CRACR2B: variants seen among roughly 807,000 people sequenced by gnomAD.
CRACR2B encodes calcium release activated channel regulator 2B.
In CRACR2B, 50 loss-of-function variants were observed where a neutral mutation model predicts 46.0. The ratio of observed to expected loss-of-function variants is 1.09; its 90% CI spans 0.87 to 1.38. The LOEUF is 1.38. CRACR2B is among the 40% of genes most tolerant of loss of function. The probability of loss-of-function intolerance (pLI) is 0.00; values close to 1 mark genes in which losing one functional copy is unlikely to be tolerated. For synonymous variants in CRACR2B, 277 were observed against 239.6 expected (o/e 1.16, Z -1.44); for missense variants, 667 against 535.0 (o/e 1.25, Z -2.43).
chr11:830,919 G>T lies in CRACR2B; in HGVS notation c.840G>T (p.Gln280His). Residue 280 changes from glutamine to histidine, a missense_variant, in exon 7 of 9, where the codon CAG (glutamine) becomes CAT (histidine). Gln to His is a conservative substitution (Grantham distance 24, BLOSUM62 0). Coordinates refer to ENST00000525077, the MANE Select transcript of CRACR2B (RefSeq NM_001286606.2). Reference protein sequence around the residue: ...QAAEHLEAQAQNSQLWRAHEA... With the variant: ...QAAEHLEAQAHNSQLWRAHEA... ...CGGAGCACCTGGAGGCACAGGCCCA[G>T]AACTCCCAGCTGTGGCGGGCGCACG... The T allele has an allele frequency of 6.5e-7, 1 of 1,533,038 alleles. No individual in the cohort carries two copies. The highest frequency in any genetic ancestry group is 1.2e-5 in the South Asian group (1 of 83,910). The allele number at this position is 1,533,038 out of a possible 1,614,324, so 95.0% of individuals were successfully genotyped here.
In CRACR2B at chr11:830,029, C is replaced by G; in HGVS notation, c.502C>G (p.Arg168Gly). Reference protein sequence around the residue: ...RTLWARLQRERPELLGSFEDV... With the variant: ...RTLWARLQREGPELLGSFEDV... ...GCTCTGGGCCAGGCTGCAGCGCGAGCGCCCCGAGCTGCTGGGCTCTTTCGA... is the reference window on the plus strand; with the variant it reads ...GCTCTGGGCCAGGCTGCAGCGCGAGGGCCCCGAGCTGCTGGGCTCTTTCGA... Residue 168 changes from arginine to glycine, a missense_variant, in exon 4 of 9, where the codon CGC becomes GGC. Physicochemically the swap from Arg to Gly is moderately radical, Grantham distance 125. Coordinates refer to ENST00000525077, the MANE Select transcript of CRACR2B (RefSeq NM_001286606.2). 4 of 1,569,498 alleles carry G rather than the reference C, an allele frequency of 2.5e-6. No individual in the cohort carries two copies. The highest frequency in any genetic ancestry group is 1.3e-5 in the African/African-American group (1 of 74,244).
intron 4 of CRACR2B, 58 bp from the exon 5 acceptor site, chr11:830,192 G>A (rs1846282871): frequency 1.3e-6 from 2 of 1,492,936 alleles, no homozygotes; most frequent in Non-Finnish European, 1.8e-6. Flanking sequence ...AGCAGAGGCG[G>A]TGCCAGGGGG....
intron 5 of CRACR2B, 59 bp from the exon 6 acceptor site, chr11:830,562 T>A: frequency 6.5e-7 from 1 of 1,548,068 alleles, no homozygotes; most frequent in Non-Finnish European, 8.7e-7. Flanking sequence ...GCCCTCCGTG[T>A]ACCTCTTTTG....
Position 831,523 on chromosome 11 carries a change from C to T in CRACR2B, c.1026-12C>T. On this transcript the variant is annotated splice_polypyrimidine_tract_variant and intron_variant, in intron 8 of 8. Coordinates refer to ENST00000525077, the MANE Select transcript of CRACR2B (RefSeq NM_001286606.2). ...CTCAGACCCTCTCAGTGTCGGACTCCTCCTTCCCTAGGGAGCTGAATACAC... is the reference window on the plus strand; with the variant it reads ...CTCAGACCCTCTCAGTGTCGGACTCTTCCTTCCCTAGGGAGCTGAATACAC... 2 of 1,574,092 alleles carry T rather than the reference C, an allele frequency of 1.3e-6. No individual in the cohort carries two copies. Among genetic ancestry groups the T allele is most frequent in the African/African-American group, 1.4e-5 (1 of 72,892 alleles).
At position 831,548 on chromosome 11, in the gene CRACR2B, C is replaced by T. The variant is rs374170179; in HGVS notation, c.1039C>T (p.Arg347Trp). The change falls in exon 9 of 9, where the codon CGG becomes TGG. Residue 347 changes from arginine to tryptophan, a missense_variant. Physicochemically the swap from Arg to Trp is moderately radical, Grantham distance 101 (BLOSUM62 -3). Transcript: ENST00000525077. ...CTCCTTCCCTAGGGAGCTGAATACA[C>T]GGCTGCGGGATGACAGGGACGCCTG... is the stretch of plus-strand genomic sequence containing the variant. ...QLELLRELNT[R>W]LRDDRDACEA... 148 of 1,597,016 alleles carry T rather than the reference C, an allele frequency of 9.3e-5. 1 individual carries two copies. The highest frequency in any genetic ancestry group is 1.2e-4 in the Non-Finnish European group (142 of 1,173,610).
chr11:828,652 GGAGGGGGAACTC>G lies in CRACR2B; in HGVS notation c.53_64del (p.Glu18_Gly21del). ...CTGGGGCTGATGAGGCCCAGGAGGA[GGAGGGGGAACTC>G]GAGGGGGGCTCTGCAGGGCCGCGGG... is the stretch of plus-strand genomic sequence containing the variant. On this transcript the variant is annotated inframe_deletion, in exon 1 of 9. Coordinates refer to ENST00000525077, the MANE Select transcript of CRACR2B (RefSeq NM_001286606.2). The G allele has an allele frequency of 2.5e-6, 4 of 1,608,018 alleles. No homozygotes were observed. The highest frequency in any genetic ancestry group is 3.4e-6 in the Non-Finnish European group (4 of 1,178,418).
At chr11:827,707 C>T (rs1397950333), upstream of CRACR2B, 3 of 206,814 alleles carry the variant, frequency 1.5e-5, no homozygotes, top group Non-Finnish European at 2.5e-5. Context: ...GTCGCCCGGG[C>T]TAAGGAACAT....
intron 3 of CRACR2B, 45 bp downstream of exon 3, chr11:829,585 C>T: frequency 2.0e-6 from 3 of 1,500,500 alleles, no homozygotes; most frequent in Non-Finnish European, 2.7e-6. Flanking sequence ...TCTGCTGTTT[C>T]TCTGCCTGCA....
chr11:830,601 T>C lies in CRACR2B; in HGVS notation c.694-20T>C. On this transcript the variant is annotated intron_variant, in intron 5 of 8. Coordinates refer to ENST00000525077, the MANE Select transcript of CRACR2B (RefSeq NM_001286606.2). ...GGCCGAGCGGCCGGCGGAGGCTCAGTGGTCCTCCGTGCGTCCCAGAACTTC... is the reference window on the plus strand; with the variant it reads ...GGCCGAGCGGCCGGCGGAGGCTCAGCGGTCCTCCGTGCGTCCCAGAACTTC... 6.5e-7 allele frequency: 1 copy of C among 1,549,064 alleles called. No individual in the cohort carries two copies.
rs1412119890 is a variant in CRACR2B, at chr11:830,343, C to G, written c.693+6C>G. On this transcript the variant is annotated splice_donor_region_variant and intron_variant, in intron 5 of 8. Transcript: ENST00000525077. ...GCCGGCGCCCGCCGAGTCAGGTGGG[C>G]CTCGGGCCCCGCCCCTCCCGCCAGG... 2.6e-6 allele frequency: 4 copies of G among 1,535,628 alleles called. No homozygotes were observed. The highest frequency in any genetic ancestry group is 3.5e-6 in the Non-Finnish European group (4 of 1,145,540).
Position 827,982 on chromosome 11 carries a change from G to A in CRACR2B, c.-626G>A, listed in dbSNP as rs1250480283. On this transcript the variant is annotated 5_prime_UTR_variant, in exon 1 of 9. Transcript: ENST00000525077. Reference sequence around the variant, plus strand: ...AGTGTTCCTGAGTGGGGCGTCAGAGGCGAAGGGCTCTGCAGGCTGGGACCT... The same window carrying A: ...AGTGTTCCTGAGTGGGGCGTCAGAGACGAAGGGCTCTGCAGGCTGGGACCT... 1.3e-5 allele frequency among the ~76,000 whole-genome samples: 2 copies of A among 152,176 alleles called. No homozygotes were observed. The highest frequency in any genetic ancestry group is 1.3e-4 in the Admixed American group (2 of 15,282).
chr11:830,093 C>T lies in CRACR2B; in HGVS notation c.566C>T (p.Ala189Val). 6.5e-7 allele frequency: 1 copy of T among 1,543,016 alleles called. No individual in the cohort carries two copies. Among genetic ancestry groups the T allele is most frequent in the Non-Finnish European group, 8.7e-7 (1 of 1,149,342 alleles). Residue 189 changes from alanine (A) to valine (V), a missense_variant, in exon 4 of 9, where the codon GCG becomes GTG. Ala to Val is a moderately conservative substitution (Grantham distance 64). Transcript: ENST00000525077. ...CGCGCGTCGGCCTGCCTGGAGGAGG[C>T]GGCCCGGGAGCGCGACGGCCTGGAG... is the stretch of plus-strand genomic sequence containing the variant. ...LIRASACLEE[A>V]ARERDGLEQA... is the part of the protein sequence containing the mutation.
rs373571452 is a variant in CRACR2B, at chr11:829,462, C to T, written c.380C>T (p.Ser127Phe). Residue 127 changes from serine to phenylalanine, a missense_variant, in exon 3 of 9, where the codon TCT becomes TTT. By Grantham distance (155) the Ser-to-Phe change is radical. Coordinates refer to ENST00000525077, the MANE Select transcript of CRACR2B (RefSeq NM_001286606.2). ...CTCGACGTGCAGGGCACGGCGGGCT[C>T]TCTGGATGAGGAGGAGGAAGAGGAG... ...GGLDVQGTAG[S>F]LDEEEEEEER... 1.9e-6 allele frequency: 3 copies of T among 1,609,364 alleles called. No homozygotes were observed. The highest frequency in any genetic ancestry group is 1.1e-5 in the South Asian group (1 of 90,470).
intron 2 of CRACR2B, 117 bp downstream of exon 2, chr11:829,080 C>T: frequency 7.1e-7 from 1 of 1,413,170 alleles, no homozygotes; most frequent in Non-Finnish European, 9.7e-7. Context: ...CCTCCAGGGC[C>T]CGTGCTTTGT....
rs1846459229 is a variant in CRACR2B, at chr11:831,646, CTGCTGCTGT to C, written c.1143_1151del (p.Cys381_Cys383del). The C allele has an allele frequency of 6.4e-7, 1 of 1,552,770 alleles. No individual in the cohort carries two copies. Among genetic ancestry groups the C allele is most frequent in the African/African-American group, 1.4e-5 (1 of 72,790 alleles). On this transcript the variant is annotated inframe_deletion, in exon 9 of 9. Transcript: ENST00000525077. Reference sequence around the variant, plus strand: ...CCCGCCTGCCTGGGCCCACCTGCTGCTGCTGCTGTTGCTGGGCTCGGCCCCCCAGACGCG... The same window carrying C: ...CCCGCCTGCCTGGGCCCACCTGCTGCTGCTGGGCTCGGCCCCCCAGACGCG...
Position 828,865 on chromosome 11 carries a change from A to T in CRACR2B, c.179A>T (p.Asp60Val), listed in dbSNP as rs774965246. 5 of 1,610,656 alleles carry T rather than the reference A, an allele frequency of 3.1e-6. No homozygotes were observed. The highest frequency in any genetic ancestry group is 4.2e-6 in the Non-Finnish European group (5 of 1,179,662). The part of the protein sequence containing the change: ...TKHDLQGLQS[D>V]LPLTPEQLEA... ...TTCCCCGACCAGGGTCTCCAGAGCG[A>T]CCTGCCCCTCACGCCAGAGCAGCTG... Residue 60 changes from aspartate to valine, a missense_variant, in exon 2 of 9, where the codon GAC (aspartate) becomes GTC (valine). Coordinates refer to ENST00000525077, the MANE Select transcript of CRACR2B (RefSeq NM_001286606.2).
rs1157986089 is a variant in CRACR2B, at chr11:830,542, C to G, written c.694-79C>G. ...GACCCCGCTCCGCCCGGGCCCACTCCCAGCCCCTGGCCCTCCGTGTACCTC... is the reference window on the plus strand; with the variant it reads ...GACCCCGCTCCGCCCGGGCCCACTCGCAGCCCCTGGCCCTCCGTGTACCTC... On this transcript the variant is annotated intron_variant, in intron 5 of 8. Transcript: ENST00000525077. The G allele has an allele frequency of 2.6e-5, 40 of 1,545,624 alleles. No homozygotes were observed. The Admixed American group carries it at 6.5e-4, about 25-fold the overall frequency.
At position 831,769 on chromosome 11, in the gene CRACR2B, T is replaced by A; in HGVS notation, c.*60T>A. On this transcript the variant is annotated 3_prime_UTR_variant, in exon 9 of 9. Coordinates refer to ENST00000525077, the MANE Select transcript of CRACR2B (RefSeq NM_001286606.2). ...AGCTGCCCTTGCAGGAGGCTTGTCA[T>A]GGGTCGGGGGTGCCCACTCAGGATG... The A allele has an allele frequency of 6.8e-7, 1 of 1,460,368 alleles. No individual in the cohort carries two copies. The highest frequency in any genetic ancestry group is 9.0e-7 in the Non-Finnish European group (1 of 1,115,804). The allele number at this position is 1,460,368 out of a possible 1,614,324, so 90.5% of individuals were successfully genotyped here. A position where few individuals can be genotyped will look rare whatever the true frequency, so the allele number is the denominator to read the frequency against.
In CRACR2B at chr11:831,536, G is replaced by A. The variant is rs1453156199; in HGVS notation, c.1027G>A (p.Glu343Lys). 3 of 1,590,928 alleles carry A rather than the reference G, an allele frequency of 1.9e-6. No homozygotes were observed. Among genetic ancestry groups the A allele is most frequent in the Non-Finnish European group, 2.6e-6 (3 of 1,171,070 alleles). ...AGTGTCGGACTCCTCCTTCCCTAGG[G>A]AGCTGAATACACGGCTGCGGGATGA... ...SLLRQLELLR[E>K]LNTRLRDDRD... The change falls in exon 9 of 9, where the codon GAG becomes AAG. Residue 343 changes from glutamate to lysine, a missense_variant and splice_region_variant. Coordinates refer to ENST00000525077, the MANE Select transcript of CRACR2B (RefSeq NM_001286606.2).
Sources: allele counts gnomAD v4.1 joint callset (sites outside exome capture counted in the v4.1 genomes callset), GRCh38; gene constraint gnomAD v4.1.1; transcripts MANE v1.5; gene names NCBI Gene and HGNC (gene_info 2026-07-23, HGNC 2026-07-21).